IARS2: variants seen among roughly 807,000 people sequenced by gnomAD.
IARS2 encodes the protein isoleucyl-tRNA synthetase 2, mitochondrial.
Under a neutral mutation model 126.3 loss-of-function variants are expected in IARS2, and 56 were observed. The observed-to-expected ratio is 0.44, with a 90% CI of 0.36 to 0.55. The LOEUF (loss-of-function observed/expected upper bound fraction) is 0.55, where lower values mean the gene tolerates loss of function less well. Among genes scored for constraint, IARS2 ranks in the 20% least tolerant of loss-of-function variants. IARS2 has a pLI of 0.00. For synonymous variants in IARS2, 407 were observed against 441.1 expected (o/e 0.92, Z 0.97); for missense variants, 1,127 against 1,245.9 (o/e 0.90, Z 1.44).
chr1:220,112,462 T>C (rs1656826453), intron 11 of IARS2, among the ~76,000 whole-genome samples: 1 of 152,052 alleles, frequency 6.6e-6, no homozygotes, highest in South Asian at 2.1e-4. Flanking sequence ...CCCTTAACAA[T>C]TGGATTATTT....
intron 7 of IARS2, 52 bp downstream of exon 7, chr1:220,102,829 T>C: frequency 1.1e-6 from 1 of 942,712 alleles, no homozygotes; most frequent in South Asian, 1.4e-5. Context: ...ATGTATTCCA[T>C]TATTAACATT....
At chr1:220,117,974 T>A (rs1298572707) in intron 12 of IARS2, 1 of 480,744 alleles carries the variant, frequency 2.1e-6, no homozygotes, top group South Asian at 1.6e-5. Context: ...ACTTTAATCC[T>A]CTTCCATTAT....
intron 9 of IARS2, 139 bp from the exon 10 acceptor site, chr1:220,106,922 C>T (rs896592667): frequency 3.3e-5 from 21 of 636,914 alleles, no homozygotes; most frequent in African/African-American, 1.3e-4. Context: ...CTGAGTGCCG[C>T]GCCCGGCCAA....
intron 18 of IARS2, 92 bp from the exon 19 acceptor site, chr1:220,140,091 A>G (rs1326762132): frequency 2.7e-6 from 2 of 728,186 alleles, no homozygotes; most frequent in African/African-American, 1.8e-5. Flanking sequence ...TCATTGAAAC[A>G]TATTTTTGAA....
At chr1:220,100,255 A>G (rs912439639) in intron 2 of IARS2, among the ~76,000 whole-genome samples, 1 of 152,206 alleles carries the variant, frequency 6.6e-6, no homozygotes, top group Non-Finnish European at 1.5e-5. Flanking sequence ...GATATTTCTT[A>G]GCTCAATATA....
At chr1:220,113,917 A>T (rs1488464646) in intron 11 of IARS2, among the ~76,000 whole-genome samples, 1 of 152,204 alleles carries the variant, frequency 6.6e-6, no homozygotes, top group Non-Finnish European at 1.5e-5. Context: ...TAAGCATTTT[A>T]AAAAATGGTG....
At chr1:220,109,765 A>G (rs1031527824) in intron 10 of IARS2, among the ~76,000 whole-genome samples, 2 of 152,336 alleles carry the variant, frequency 1.3e-5, no homozygotes, top group Non-Finnish European at 2.9e-5. Context: ...AAGTAAGGTC[A>G]CATTCACTAG....
At chr1:220,108,079 G>C (rs1019887445) in intron 10 of IARS2, among the ~76,000 whole-genome samples, 23 of 142,726 alleles carry the variant, frequency 1.6e-4, no homozygotes, top group Non-Finnish European at 2.6e-4. Context: ...TTTTTTTTTT[G>C]AGACACAGTC....
chr1:220,130,111 T>G (rs915315622), intron 14 of IARS2, among the ~76,000 whole-genome samples: 2 of 152,234 alleles, frequency 1.3e-5, no homozygotes, highest in Non-Finnish European at 2.9e-5. Flanking sequence ...TGATGATTAG[T>G]GATGTTGAAC....
At position 220,137,974 on chromosome 1, in the gene IARS2, T is replaced by C. The variant is rs1657412601; in HGVS notation, c.2106T>C (p.Asp702=). 6.2e-7 allele frequency: 1 copy of C among 1,614,058 alleles called. No individual in the cohort carries two copies. Among genetic ancestry groups the C allele is most frequent in the East Asian group, 2.2e-5 (1 of 44,900 alleles). The change falls in exon 17 of 23, where the codon GAT becomes GAC. Residue 702 remains aspartate, a synonymous_variant. Coordinates refer to ENST00000366922, the MANE Select transcript of IARS2 (RefSeq NM_018060.4). ...GADVLRWWVA[D]SNVFTEVAIG... is the part of the protein sequence containing the mutation. ...ATGTCCTTCGCTGGTGGGTAGCTGA[T>C]TCCAATGTCTTCACCGAAGTTGCAA... is the stretch of plus-strand genomic sequence containing the variant.
chr1:220,143,163 G>A (rs1403598470), intron 21 of IARS2, 29 bp downstream of exon 21: 2 of 1,557,816 alleles, frequency 1.3e-6, no homozygotes, highest in Non-Finnish European at 1.8e-6. Context: ...CTTTTGAAAT[G>A]GTGTTAGTAT....
chr1:220,128,728 G>A (rs1253657452), intron 14 of IARS2, among the ~76,000 whole-genome samples: 3 of 152,156 alleles, frequency 2.0e-5, no homozygotes, highest in Non-Finnish European at 4.4e-5. Context: ...TGTATTCACT[G>A]CTTTAGGCTT....
rs267598383 is a variant in IARS2, at chr1:220,105,932, C to T, written c.1108C>T (p.Pro370Ser). The stretch of plus-strand genomic sequence containing the variant: ...TGGTACTTGCAGTCATCCATTAATT[C>T]CTGATAAAGCCTCTCCTCTTTTACC... Reference protein sequence around the residue: ...ENGTCSHPLIPDKASPLLPAN... With the variant: ...ENGTCSHPLISDKASPLLPAN... The change falls in exon 9 of 23, where the codon CCT becomes TCT. Residue 370 changes from proline to serine, a missense_variant. Physicochemically the swap from Pro to Ser is moderately conservative, Grantham distance 74. Coordinates refer to ENST00000366922, the MANE Select transcript of IARS2 (RefSeq NM_018060.4). 9.9e-5 allele frequency: 160 copies of T among 1,614,078 alleles called. 1 individual carries two copies. The South Asian group carries it at 1.6e-3, about 17-fold the overall frequency.
intron 12 of IARS2, among the ~76,000 whole-genome samples, chr1:220,119,430 G>T (rs979198861): frequency 6.6e-6 from 1 of 152,048 alleles, no homozygotes; most frequent in East Asian, 1.9e-4. Context: ...CTATGAGTTT[G>T]TGTTAAGTAT....
At chr1:220,097,845 G>T (rs1358214236) in intron 2 of IARS2, among the ~76,000 whole-genome samples, 1 of 152,040 alleles carries the variant, frequency 6.6e-6, no homozygotes, top group Non-Finnish European at 1.5e-5. Context: ...GAGGACAAAG[G>T]AATAATTCCA....
intron 12 of IARS2, among the ~76,000 whole-genome samples, chr1:220,115,063 G>A (rs1039207): frequency 0.042 from 6,374 of 151,688 alleles, 434 homozygotes; most frequent in African/African-American, 0.14. Flanking sequence ...TTTTTTTGAG[G>A]CAGTCATTGT....
chr1:220,134,521 A>G lies in IARS2; in HGVS notation c.1946+11A>G. 1 of 1,571,496 alleles carries G rather than the reference A, an allele frequency of 6.4e-7. No individual in the cohort carries two copies. The highest frequency in any genetic ancestry group is 8.7e-7 in the Non-Finnish European group (1 of 1,145,542). On this transcript the variant is annotated intron_variant, in intron 15 of 22. Coordinates refer to ENST00000366922, the MANE Select transcript of IARS2 (RefSeq NM_018060.4). ...GAGAGCACCTTATAAGTAAGTATTTATGCCTGAACCAACCTGCTGAGTACC... is the reference window on the plus strand; with the variant it reads ...GAGAGCACCTTATAAGTAAGTATTTGTGCCTGAACCAACCTGCTGAGTACC...
At chr1:220,134,269 C>T (rs988266116) in intron 14 of IARS2, 133 bp from the exon 15 acceptor site, 1 of 584,384 alleles carries the variant, frequency 1.7e-6, no homozygotes, top group Non-Finnish European at 2.9e-6. Flanking sequence ...GTTAAGGTGG[C>T]ATCTGTCAGT....
intron 11 of IARS2, among the ~76,000 whole-genome samples, chr1:220,113,707 TGCTCATA>T (rs1228849508): frequency 2.0e-5 from 3 of 151,418 alleles, no homozygotes; most frequent in African/African-American, 7.3e-5. Context: ...TGCACTGCCA[TGCTCATA>T]GCTCACTGCA....
Sources: gnomAD v4.1 joint callset for allele counts (sites outside exome capture counted in the v4.1 genomes callset) on GRCh38, gnomAD v4.1.1 for gene constraint, MANE v1.5 for transcripts, NCBI Gene and HGNC (gene_info 2026-07-23, HGNC 2026-07-21) for gene names.